Variants in EYS observed in about 807,000 individuals in gnomAD.
EYS encodes the protein EGF-like photoreceptor maintenance factor.
EYS carries 250 observed loss-of-function variants against 282.1 expected under a neutral mutation model. The ratio of observed to expected loss-of-function variants is 0.89; its 90% CI spans 0.80 to 0.98. The LOEUF (loss-of-function observed/expected upper bound fraction) is 0.98. Ranked by LOEUF, EYS falls within the 50% of genes least tolerant of loss-of-function variation. EYS has a pLI of 0.00. For missense variants in EYS, 4,016 were observed against 3,709.0 expected (o/e 1.08, Z -2.15); for synonymous variants, 1,355 against 1,282.9 (o/e 1.06, Z -1.20).
In EYS at chr6:65,442,930, A is replaced by G. The variant is rs147095508; in HGVS notation, c.863-37563T>C. On this transcript the variant is annotated intron_variant, in intron 5 of 42. Transcript: ENST00000503581. ...TACATGCACATACATATGTACATATATGTATATACGTATATACATGCACAT... is the reference window on the plus strand; with the variant it reads ...TACATGCACATACATATGTACATATGTGTATATACGTATATACATGCACAT... Among the ~76,000 whole-genome samples the G allele has an allele frequency of 4.7e-3, 623 of 132,164 alleles. 115 individuals carry two copies. Among genetic ancestry groups the G allele is most frequent in the Admixed American group, 0.04 (536 of 13,334 alleles). 86.7% of individuals were successfully genotyped at this position (132,164 alleles called of 152,430 possible).
intron 12 of EYS, among the ~76,000 whole-genome samples, chr6:65,196,309 C>T (rs1007982424): frequency 3.3e-5 from 5 of 151,998 alleles, no homozygotes; most frequent in African/African-American, 1.2e-4. Flanking sequence ...CTCAAATAAC[C>T]TTTACCATTC....
At chr6:64,269,676 C>T (rs1311097302) in intron 30 of EYS, among the ~76,000 whole-genome samples, 2 of 151,722 alleles carry the variant, frequency 1.3e-5, no homozygotes, top group Admixed American at 6.6e-5. Flanking sequence ...TTTAGGATAC[C>T]ACATTATTTT....
rs1772285662 is a variant in EYS at position 63,852,522 on chromosome 6, G to A, written c.7228+11664C>T. 2.0e-5 allele frequency among the ~76,000 whole-genome samples: 3 copies of A among 152,142 alleles called. No individual in the cohort carries two copies. In the South Asian group the frequency reaches 6.2e-4, roughly 32 times the overall value. ...ACCAACCAAAAAAAGCCCAGGACCA[G>A]ATGAATTCACAGCTGAATTCTACCA... On this transcript the variant is annotated intron_variant, in intron 36 of 42. Coordinates refer to ENST00000503581, the MANE Select transcript of EYS (RefSeq NM_001142800.2).
intron 26 of EYS, among the ~76,000 whole-genome samples, chr6:64,548,087 G>A (rs756102636): frequency 9.9e-5 from 15 of 152,112 alleles, no homozygotes; most frequent in Non-Finnish European, 1.5e-4. Context: ...CTCCAGCCTC[G>A]GCCAGCCCAG....
intron 1 of EYS, among the ~76,000 whole-genome samples, chr6:65,683,915 T>G (rs1179034298): frequency 6.6e-6 from 1 of 152,036 alleles, no homozygotes; most frequent in Non-Finnish European, 1.5e-5. Flanking sequence ...GACTATACTG[T>G]GTTTTTATTT....
chr6:65,302,132 C>T (rs1768858084), intron 11 of EYS, among the ~76,000 whole-genome samples: 1 of 152,284 alleles, frequency 6.6e-6, no homozygotes, highest in South Asian at 2.1e-4. Context: ...ATAACTAACC[C>T]TAGCTGTCTC....
chr6:63,893,538 A>G (rs548088414), intron 35 of EYS, among the ~76,000 whole-genome samples: 1 of 152,110 alleles, frequency 6.6e-6, no homozygotes, highest in African/African-American at 2.4e-5. Flanking sequence ...AGGACATATG[A>G]GCACAGGGAG....
intron 22 of EYS, among the ~76,000 whole-genome samples, chr6:64,656,111 G>T (rs1043549512): frequency 6.6e-6 from 1 of 152,026 alleles, no homozygotes; most frequent in African/African-American, 2.4e-5. Flanking sequence ...AGGTATTGTA[G>T]GTTTCATACA....
chr6:64,006,016 G>A (rs116221263), intron 33 of EYS, among the ~76,000 whole-genome samples: 2,094 of 152,286 alleles, frequency 0.014, 19 homozygotes, highest in Non-Finnish European at 0.024. Flanking sequence ...AATGTCATTT[G>A]TAGTTTGATA....
At chr6:64,435,150 T>C (rs1232078508) in intron 28 of EYS, among the ~76,000 whole-genome samples, 1 of 152,084 alleles carries the variant, frequency 6.6e-6, no homozygotes, top group Non-Finnish European at 1.5e-5. Context: ...CTTTTAAGTA[T>C]AGTGACACTA....
intron 33 of EYS, among the ~76,000 whole-genome samples, chr6:64,031,989 G>A (rs571000159): frequency 1.3e-5 from 2 of 152,188 alleles, no homozygotes; most frequent in African/African-American, 4.8e-5. Flanking sequence ...TCTTGCTGCT[G>A]CTCTCTCTTT....
At chr6:63,926,633 A>C (rs909680044) in intron 35 of EYS, among the ~76,000 whole-genome samples, 3 of 152,226 alleles carry the variant, frequency 2.0e-5, no homozygotes, top group African/African-American at 4.8e-5. Flanking sequence ...CCACATTTTG[A>C]CAGTTAGTCC....
chr6:64,714,516 CTTTTTTTTTT>C (rs55730437), intron 22 of EYS, among the ~76,000 whole-genome samples: 1 of 127,916 alleles, frequency 7.8e-6, no homozygotes, highest in Non-Finnish European at 1.7e-5. Flanking sequence ...TTCTTTCTTT[CTTTTTTTTTT>C]TTTTTTTTTT....
Position 65,050,402 on chromosome 6 carries a change from G to A in EYS, c.2137+7212C>T, listed in dbSNP as rs141717550. On this transcript the variant is annotated intron_variant, in intron 13 of 42. Transcript: ENST00000503581. The stretch of plus-strand genomic sequence containing the variant: ...ATTAACTTCAACTATTTAACGAATC[G>A]TTTATTTTTTTTCTATTGGATTAAT... 5.3e-3 allele frequency among the ~76,000 whole-genome samples: 800 copies of A among 151,488 alleles called. 6 individuals are homozygous for A. The highest frequency in any genetic ancestry group is 0.016 in the East Asian group (84 of 5,128).
chr6:64,927,047 C>T (rs1264083849), intron 15 of EYS, among the ~76,000 whole-genome samples: 1 of 152,096 alleles, frequency 6.6e-6, no homozygotes, highest in Non-Finnish European at 1.5e-5. Flanking sequence ...TGGACCATGT[C>T]TTGATGTATG....
At position 64,141,062 on chromosome 6, in the gene EYS, A is replaced by G. The variant is rs554022129; in HGVS notation, c.6425-59060T>C. Among the ~76,000 whole-genome samples the G allele has an allele frequency of 2.1e-3, 322 of 152,290 alleles. 1 individual carries two copies. Among genetic ancestry groups the G allele is most frequent in the African/African-American group, 7.4e-3 (309 of 41,564 alleles). The stretch of plus-strand genomic sequence containing the variant: ...TAAAGATGCATTTCATTGGATTATT[A>G]TTTTATAATTTTCATTCCCATTTTA... On this transcript the variant is annotated intron_variant, in intron 31 of 42. Coordinates refer to ENST00000503581, the MANE Select transcript of EYS (RefSeq NM_001142800.2).
intron 12 of EYS, among the ~76,000 whole-genome samples, chr6:65,111,708 G>GT (rs1454766039): frequency 1.3e-5 from 2 of 152,016 alleles, no homozygotes; most frequent in South Asian, 2.1e-4. Context: ...ATAGCCAGGA[G>GT]TGGTGGCACA....
At chr6:65,023,182 T>G (rs1215060744) in intron 13 of EYS, among the ~76,000 whole-genome samples, 6 of 152,192 alleles carry the variant, frequency 3.9e-5, no homozygotes, top group African/African-American at 1.4e-4. Flanking sequence ...TATTGAATTT[T>G]ATCTCAGTAA....
intron 29 of EYS, among the ~76,000 whole-genome samples, chr6:64,348,485 T>C (rs1160519900): frequency 1.3e-5 from 2 of 151,406 alleles, no homozygotes; most frequent in Admixed American, 6.6e-5. Flanking sequence ...GAACTCTCTC[T>C]GAAATTGCCA....
Sources: allele counts gnomAD v4.1 joint callset (sites outside exome capture counted in the v4.1 genomes callset), GRCh38; gene constraint gnomAD v4.1.1; transcripts MANE v1.5; gene names NCBI Gene and HGNC (gene_info 2026-07-23, HGNC 2026-07-21).